Variants in CFDP1 observed in about 807,000 individuals in gnomAD.
The protein encoded by CFDP1 is chromatin remodeling protein CFDP1.
In CFDP1, 31 loss-of-function variants were observed where a neutral mutation model predicts 40.1. The observed-to-expected ratio is 0.77, with a 90% CI of 0.58 to 1.04. CFDP1 has a LOEUF of 1.04. Ranked by LOEUF, CFDP1 falls within the 50% of genes least tolerant of loss-of-function variation. The probability of loss-of-function intolerance (pLI) is 0.00; values close to 1 mark genes in which losing one functional copy is unlikely to be tolerated. For synonymous variants in CFDP1, 167 were observed against 120.0 expected, an observed-to-expected ratio of 1.39 and a Z score of -2.56; for missense variants, 423 against 343.4, an observed-to-expected ratio of 1.23 and a Z score of -1.83.
chr16:75,412,720 C>T lies in CFDP1; in HGVS notation c.217G>A (p.Glu73Lys). The change falls in exon 3 of 7, where the codon GAG becomes AAG. Residue 73 changes from glutamate to lysine, a missense_variant. Coordinates refer to ENST00000283882, the MANE Select transcript of CFDP1 (RefSeq NM_006324.3). ...RRQGGLSLEE[E>K]EEEDANSESE... ...TCTGAATTGGCATCCTCCTCTTCCTCTTCTTCTAATGAGAGGCCACCTTGT... is the reference window on the plus strand; with the variant it reads ...TCTGAATTGGCATCCTCCTCTTCCTTTTCTTCTAATGAGAGGCCACCTTGT... 6.2e-7 allele frequency: 1 copy of T among 1,613,840 alleles called. No individual in the cohort carries two copies.
chr16:75,369,266 T>G (rs1306280311), intron 5 of CFDP1, among the ~76,000 whole-genome samples: 1 of 152,006 alleles, frequency 6.6e-6, no homozygotes, highest in East Asian at 1.9e-4. Flanking sequence ...AAATACATAT[T>G]GCAGGCCAGG....
intron 5 of CFDP1, among the ~76,000 whole-genome samples, chr16:75,364,100 T>C (rs779230631): frequency 1.3e-5 from 2 of 152,018 alleles, no homozygotes; most frequent in Non-Finnish European, 2.9e-5. Context: ...TCTAGATCTA[T>C]GTGTTTAAAG....
intron 4 of CFDP1, among the ~76,000 whole-genome samples, 194 bp from the exon 5 acceptor site, chr16:75,395,403 G>C (rs1306785690): frequency 6.6e-6 from 1 of 152,196 alleles, no homozygotes; most frequent in Non-Finnish European, 1.5e-5. Flanking sequence ...ACTCACGCCT[G>C]TACTCCCAGC....
At chr16:75,320,209 G>T (rs2078352481) in intron 5 of CFDP1, among the ~76,000 whole-genome samples, 1 of 152,252 alleles carries the variant, frequency 6.6e-6, no homozygotes. Flanking sequence ...CTACTGCTAG[G>T]AGATGTATGA....
chr16:75,407,392 C>T (rs1426024181), intron 4 of CFDP1, among the ~76,000 whole-genome samples: 2 of 151,904 alleles, frequency 1.3e-5, no homozygotes, highest in African/African-American at 4.8e-5. Context: ...AATATTCACA[C>T]ATGGCTGGGT....
At chr16:75,365,338 C>T (rs1057514749) in intron 5 of CFDP1, among the ~76,000 whole-genome samples, 5 of 152,174 alleles carry the variant, frequency 3.3e-5, no homozygotes, top group East Asian at 1.9e-4. Context: ...ACATAGAAAA[C>T]TCTTGCCTAT....
At chr16:75,396,867 T>G (rs1293899438) in intron 4 of CFDP1, among the ~76,000 whole-genome samples, 1 of 152,132 alleles carries the variant, frequency 6.6e-6, no homozygotes, top group Middle Eastern at 3.2e-3. Flanking sequence ...CCGGCCTCAG[T>G]GGCCTCTTTT....
intron 5 of CFDP1, among the ~76,000 whole-genome samples, chr16:75,341,459 A>T (rs2078526289): frequency 6.6e-6 from 1 of 152,156 alleles, no homozygotes; most frequent in Admixed American, 6.5e-5. Context: ...TTATGAAGAG[A>T]TTATCTTGAG....
At chr16:75,357,728 T>C (rs764581918) in intron 5 of CFDP1, among the ~76,000 whole-genome samples, 5 of 152,350 alleles carry the variant, frequency 3.3e-5, no homozygotes, top group East Asian at 1.9e-4. Flanking sequence ...ATTCAGACCA[T>C]TCAAGCTGTC....
chr16:75,425,728 T>G (rs766837798), intron 1 of CFDP1, among the ~76,000 whole-genome samples: 1 of 151,254 alleles, frequency 6.6e-6, no homozygotes, highest in Non-Finnish European at 1.5e-5. Context: ...TAATGATAAC[T>G]GATTTTTTAA....
intron 4 of CFDP1, among the ~76,000 whole-genome samples, chr16:75,410,639 T>G (rs2079151891): frequency 6.6e-6 from 1 of 151,520 alleles, no homozygotes; most frequent in Admixed American, 6.6e-5. Context: ...CCAGGCACGG[T>G]GGATCACACC....
chr16:75,382,016 T>C (rs2078856608), intron 5 of CFDP1, among the ~76,000 whole-genome samples: 1 of 151,600 alleles, frequency 6.6e-6, no homozygotes, highest in Non-Finnish European at 1.5e-5. Context: ...CACAGGAGGC[T>C]GAGGTGGGAA....
rs1390491738 is a variant in CFDP1, at chr16:75,397,929, G to A, written c.531-2720C>T. Among the ~76,000 whole-genome samples the A allele has an allele frequency of 6.6e-5, 10 of 152,352 alleles. No homozygotes were observed. The South Asian group carries it at 1.2e-3, about 19-fold the overall frequency. Reference sequence around the variant, plus strand: ...AATGAAGTATTAGCTGATCTGAGAGGAACAGAAGCTTAAACATGTTTGTGC... The same window carrying A: ...AATGAAGTATTAGCTGATCTGAGAGAAACAGAAGCTTAAACATGTTTGTGC... On this transcript the variant is annotated intron_variant, in intron 4 of 6. Coordinates refer to ENST00000283882, the MANE Select transcript of CFDP1 (RefSeq NM_006324.3).
intron 5 of CFDP1, among the ~76,000 whole-genome samples, chr16:75,336,424 C>T (rs2078488116): frequency 6.6e-6 from 1 of 152,188 alleles, no homozygotes; most frequent in South Asian, 2.1e-4. Context: ...TTGTAAGCAG[C>T]AAGAACGGGC....
chr16:75,415,278 C>G (rs4888416), intron 1 of CFDP1, among the ~76,000 whole-genome samples: 78,913 of 152,108 alleles, frequency 0.52, 21,535 homozygotes, highest in Admixed American at 0.64. Context: ...GCTTGGATGT[C>G]TGACCACATG....
intron 6 of CFDP1, among the ~76,000 whole-genome samples, chr16:75,303,460 C>T (rs1295896348): frequency 7.6e-6 from 1 of 132,120 alleles, no homozygotes; most frequent in Non-Finnish European, 1.7e-5. Flanking sequence ...TGGTCAGCTT[C>T]CAGGTTCATT....
At chr16:75,310,141 G>T (rs1481808085) in intron 5 of CFDP1, among the ~76,000 whole-genome samples, 1 of 152,186 alleles carries the variant, frequency 6.6e-6, no homozygotes, top group African/African-American at 2.4e-5. Context: ...AACATCACAT[G>T]ACTTTGTTGA....
intron 5 of CFDP1, among the ~76,000 whole-genome samples, chr16:75,321,389 T>A (rs995353101): frequency 6.6e-6 from 1 of 152,140 alleles, no homozygotes; most frequent in Admixed American, 6.5e-5. Flanking sequence ...TTTTAGAAAA[T>A]TGCCACTCCT....
At chr16:75,415,151 TAAAAG>T (rs1400291571) in intron 1 of CFDP1, among the ~76,000 whole-genome samples, 1 of 152,154 alleles carries the variant, frequency 6.6e-6, no homozygotes, top group African/African-American at 2.4e-5. Context: ...GTCTTCTCAA[TAAAAG>T]AAGTTTAAAA....
Sources: allele counts gnomAD v4.1 joint callset (sites outside exome capture counted in the v4.1 genomes callset), GRCh38; gene constraint gnomAD v4.1.1; transcripts MANE v1.5; gene names NCBI Gene and HGNC (gene_info 2026-07-23, HGNC 2026-07-21).